Variants in GCFC2 observed in about 807,000 individuals in gnomAD.
GCFC2 encodes intron Large complex component GCFC2.
Under a neutral mutation model 99.4 loss-of-function variants are expected in GCFC2, and 102 were observed. That is an observed-to-expected ratio of 1.03 (90% CI 0.87 to 1.21). The LOEUF is 1.21. GCFC2 is among the 50% of genes most tolerant of loss of function. GCFC2 has a pLI of 0.00. For missense variants in GCFC2, 973 were observed against 920.9 expected, an observed-to-expected ratio of 1.06 and a Z score of -0.73; for synonymous variants, 338 against 316.8, an observed-to-expected ratio of 1.07 and a Z score of -0.71.
At chr2:75,680,405 T>G (rs1326756062) in intron 11 of GCFC2, 91 bp from the exon 12 acceptor site, 6 of 970,980 alleles carry the variant, frequency 6.2e-6, no homozygotes, top group Non-Finnish European at 4.7e-6. Context: ...CAAACACTAC[T>G]TCCCTCCTTA....
At chr2:75,707,855 G>T (rs1680942657) in intron 1 of GCFC2, among the ~76,000 whole-genome samples, 1 of 152,196 alleles carries the variant, frequency 6.6e-6, no homozygotes. Context: ...TGTAGTAGCA[G>T]TTATGGTATT....
chr2:75,683,125 C>A (rs1032726302), intron 11 of GCFC2, among the ~76,000 whole-genome samples: 2 of 151,604 alleles, frequency 1.3e-5, no homozygotes, highest in African/African-American at 4.9e-5. Context: ...GAAGAGCAAC[C>A]CCAAGACACA....
At chr2:75,701,039 G>A in intron 4 of GCFC2, 151 bp downstream of exon 4, 1 of 591,800 alleles carries the variant, frequency 1.7e-6, no homozygotes, top group Non-Finnish European at 3.0e-6. Context: ...AGGGCCTTTG[G>A]AAGAAGCAAG....
rs375560842 is a variant in GCFC2, at chr2:75,672,033, G to A, written c.1890-17C>T. 6.4e-6 allele frequency: 9 copies of A among 1,409,026 alleles called. No homozygotes were observed. The highest frequency in any genetic ancestry group is 2.3e-5 in the East Asian group (1 of 43,280). The allele number at this position is 1,409,026 out of a possible 1,614,324, so 87.3% of individuals were successfully genotyped here. ...TCTACAGCACTAATTAGAAACAAAC[G>A]AAAGAGAAGAGAAAATGCAAAGAAC... On this transcript the variant is annotated splice_polypyrimidine_tract_variant and intron_variant, in intron 13 of 16. Transcript: ENST00000321027.
rs140732442 is a variant in GCFC2 at position 75,695,997 on chromosome 2, T to C, written c.833+203A>G. The stretch of plus-strand genomic sequence containing the variant: ...GTTTCACTACCGATAACTGAAACCA[T>C]AGAAGGCAAAAATGCAGATATGGGG... On this transcript the variant is annotated intron_variant, in intron 5 of 16. Transcript: ENST00000321027. Among the ~76,000 whole-genome samples the C allele has an allele frequency of 4.3e-4, 66 of 152,292 alleles. 1 individual carries two copies. Among genetic ancestry groups the C allele is most frequent in the African/African-American group, 1.5e-3 (64 of 41,562 alleles).
chr2:75,701,954 C>T lies in GCFC2; in HGVS notation c.619+245G>A, dbSNP rs193224529. 7.3e-4 allele frequency: 910 copies of T among 1,246,032 alleles called. 1 individual carries two copies. The highest frequency in any genetic ancestry group is 1.2e-3 in the Admixed American group (31 of 25,940). The allele number at this position is 1,246,032 out of a possible 1,614,324, so 77.2% of individuals were successfully genotyped here. ...GTAAGATACTGCACATTTTTTTTAA[C>T]CTGTCCAAAAACATCAAGGTGGGAG... On this transcript the variant is annotated intron_variant, in intron 3 of 16. Transcript: ENST00000321027.
At position 75,700,980 on chromosome 2, in the gene GCFC2, C is replaced by T. The variant is rs111505321; in HGVS notation, c.717+210G>A. Among the ~76,000 whole-genome samples the T allele has an allele frequency of 1.2e-3, 186 of 152,232 alleles. 1 individual carries two copies. The highest frequency in any genetic ancestry group is 0.01 in the Middle Eastern group (3 of 294). On this transcript the variant is annotated intron_variant, in intron 4 of 16. Transcript: ENST00000321027. ...ACAAGCCAAGAAACACCTGGAATGA[C>T]CAGAAGTTGCAAAAGGCAAGGAAGA...
chr2:75,700,486 C>T (rs376199328), intron 4 of GCFC2, among the ~76,000 whole-genome samples: 3 of 151,886 alleles, frequency 2.0e-5, no homozygotes, highest in Admixed American at 6.6e-5. Context: ...TATACCATTG[C>T]GGTGAGATGT....
chr2:75,675,772 A>C (rs1679308795), intron 12 of GCFC2, among the ~76,000 whole-genome samples: 1 of 151,718 alleles, frequency 6.6e-6, no homozygotes, highest in African/African-American at 2.4e-5. Context: ...AAAAAAGAAA[A>C]GAAACCTCCC....
In GCFC2 at chr2:75,710,822, G is replaced by C. The variant is rs779812661; in HGVS notation, c.34C>G (p.Arg12Gly). Residue 12 changes from arginine to glycine, a missense_variant, in exon 1 of 17, where the codon CGC becomes GGC. Coordinates refer to ENST00000321027, the MANE Select transcript of GCFC2 (RefSeq NM_003203.5). ...TCGCTGTCGCTGGAATCAGCCGCGC[G>C]CTGCCGAAAAGTCCTTTTCGGCCTG... ...AHRPKRTFRQRAADSSDSDGA... is the reference protein window; with the variant it reads ...AHRPKRTFRQGAADSSDSDGA... 3.2e-6 allele frequency: 5 copies of C among 1,577,582 alleles called. No individual in the cohort carries two copies. The highest frequency in any genetic ancestry group is 3.4e-6 in the Non-Finnish European group (4 of 1,169,486).
Position 75,696,346 on chromosome 2 carries a change from C to T in GCFC2, c.718-31G>A, listed in dbSNP as rs972766832. On this transcript the variant is annotated intron_variant, in intron 4 of 16. Transcript: ENST00000321027. ...AAAGTAAAAATAGATTTTTACAAAA[C>T]CATTTATTTCATTTACCTTTGAAAC... The T allele has an allele frequency of 4.3e-6, 4 of 919,976 alleles. No individual in the cohort carries two copies. In the African/African-American group the frequency reaches 5.0e-5, roughly 11 times the overall value. The allele number at this position is 919,976 out of a possible 1,614,324, so 57.0% of individuals were successfully genotyped here. A position where few individuals can be genotyped will look rare whatever the true frequency, so the allele number is the denominator to read the frequency against.
At chr2:75,669,897 G>GTTTT (rs1023982265) in intron 15 of GCFC2, 3 of 239,850 alleles carry the variant, frequency 1.3e-5, no homozygotes, top group South Asian at 1.8e-4. Flanking sequence ...GCTAATTTTT[G>GTTTT]TATCTTTAGT....
At chr2:75,710,334 T>C (rs1681088011) in intron 1 of GCFC2, 1 of 687,388 alleles carries the variant, frequency 1.5e-6, no homozygotes, top group Admixed American at 4.2e-5. Context: ...CAACTGATGG[T>C]GAAAACGAAG....
In GCFC2 at chr2:75,664,753, C is replaced by G; in HGVS notation, c.2259G>C (p.Leu753Phe). The change falls in exon 17 of 17, where the codon TTG (leucine) becomes TTC (phenylalanine). Residue 753 changes from leucine (L) to phenylalanine (F), a missense_variant. Physicochemically the swap from Leu to Phe is conservative, Grantham distance 22 (BLOSUM62 0). Coordinates refer to ENST00000321027, the MANE Select transcript of GCFC2 (RefSeq NM_003203.5). Reference sequence around the variant, plus strand: ...CTTGATTCAAAGCTTTTATTTTCACCAAAATAAGAATTATTTCTTCGACTT... The same window carrying G: ...CTTGATTCAAAGCTTTTATTTTCACGAAAATAAGAATTATTTCTTCGACTT... The part of the protein sequence containing the change: ...RDEVEEIILI[L>F]VKIKALNQAE... 6.4e-7 allele frequency: 1 copy of G among 1,556,012 alleles called. No homozygotes were observed. The highest frequency in any genetic ancestry group is 8.9e-7 in the Non-Finnish European group (1 of 1,129,464).
chr2:75,673,808 C>T (rs1225420575), intron 12 of GCFC2, among the ~76,000 whole-genome samples: 1 of 152,094 alleles, frequency 6.6e-6, no homozygotes, highest in Non-Finnish European at 1.5e-5. Context: ...CATAAAAATT[C>T]TTGTACATGT....
chr2:75,664,761 G>A lies in GCFC2; in HGVS notation c.2251C>T (p.Leu751Phe), dbSNP rs1450657323. ...EFRDEVEEIILILVKIKALNQ... is the reference protein window; with the variant it reads ...EFRDEVEEIIFILVKIKALNQ... ...AAAGCTTTTATTTTCACCAAAATAA[G>A]AATTATTTCTTCGACTTCATCCCTG... The change falls in exon 17 of 17, where the codon CTT becomes TTT. Residue 751 changes from leucine (L) to phenylalanine (F), a missense_variant. By Grantham distance (22) the Leu-to-Phe change is conservative. Transcript: ENST00000321027. 6.5e-7 allele frequency: 1 copy of A among 1,545,382 alleles called. No homozygotes were observed. The highest frequency in any genetic ancestry group is 8.9e-7 in the Non-Finnish European group (1 of 1,119,970).
intron 14 of GCFC2, 44 bp from the exon 15 acceptor site, chr2:75,670,328 G>A: frequency 7.4e-7 from 1 of 1,354,780 alleles, no homozygotes. Context: ...TCTCCAAAGA[G>A]AAACTGTAAT....
In GCFC2 at chr2:75,672,402, C is replaced by A. The variant is rs1335075165; in HGVS notation, c.1890-386G>T. 2.0e-5 allele frequency among the ~76,000 whole-genome samples: 3 copies of A among 150,104 alleles called. No homozygotes were observed. In the East Asian group the frequency reaches 5.9e-4, roughly 29 times the overall value. Reference sequence around the variant, plus strand: ...AAATAACTAATATATCACATTCATACATCTGAACCATGTGAATGCATTATC... The same window carrying A: ...AAATAACTAATATATCACATTCATAAATCTGAACCATGTGAATGCATTATC... On this transcript the variant is annotated intron_variant, in intron 13 of 16. Coordinates refer to ENST00000321027, the MANE Select transcript of GCFC2 (RefSeq NM_003203.5).
intron 12 of GCFC2, among the ~76,000 whole-genome samples, chr2:75,678,792 G>A (rs983936413): frequency 5.9e-5 from 9 of 152,184 alleles, no homozygotes; most frequent in African/African-American, 2.2e-4. Context: ...TGTTGCCCAG[G>A]CTGCAGTGTG....
Sources: allele counts gnomAD v4.1 joint callset (sites outside exome capture counted in the v4.1 genomes callset), GRCh38; gene constraint gnomAD v4.1.1; transcripts MANE v1.5; gene names NCBI Gene and HGNC (gene_info 2026-07-23, HGNC 2026-07-21).